Variants in SRD5A1 observed in about 807,000 individuals in gnomAD.
SRD5A1 encodes steroid 5 alpha-reductase 1.
A neutral mutation model predicts 28.2 loss-of-function variants in SRD5A1; 22 were observed. The observed-to-expected ratio is 0.78, with a 90% CI of 0.56 to 1.12. The LOEUF (loss-of-function observed/expected upper bound fraction) is 1.12. Among genes scored for constraint, SRD5A1 ranks in the 50% most tolerant of loss-of-function variants. The probability of loss-of-function intolerance (pLI) is 0.00; values close to 1 mark genes in which losing one functional copy is unlikely to be tolerated. For synonymous variants in SRD5A1, 151 were observed against 135.0 expected (o/e 1.12, Z -0.82); for missense variants, 300 against 346.7 (o/e 0.87, Z 1.07).
At position 6,653,800 on chromosome 5, in the gene SRD5A1, C is replaced by T. The variant is rs538384250; in HGVS notation, c.460+1792C>T. ...GTAGCTCCGCAGATGGTTCGCATCACGTAGAGGTGACTGTGAAGCTGGTCA... is the reference window on the plus strand; with the variant it reads ...GTAGCTCCGCAGATGGTTCGCATCATGTAGAGGTGACTGTGAAGCTGGTCA... On this transcript the variant is annotated intron_variant, in intron 2 of 4. Transcript: ENST00000274192. 1.7e-4 allele frequency among the ~76,000 whole-genome samples: 26 copies of T among 152,200 alleles called. No homozygotes were observed. The South Asian group carries it at 5.2e-3, about 30-fold the overall frequency.
At chr5:6,659,308 T>C (rs1738931954) in intron 3 of SRD5A1, among the ~76,000 whole-genome samples, 1 of 151,898 alleles carries the variant, frequency 6.6e-6, no homozygotes, top group Non-Finnish European at 1.5e-5. Flanking sequence ...AGAGATGGGG[T>C]TTCACCGTGT....
rs906311481 is a variant in SRD5A1, at chr5:6,673,702, C to T, written c.*5434C>T. 7.9e-5 allele frequency: 12 copies of T among 151,920 alleles called. No homozygotes were observed. Among genetic ancestry groups the T allele is most frequent in the South Asian group, 4.2e-4 (2 of 4,816 alleles). 9.4% of individuals were successfully genotyped at this position (151,920 alleles called of 1,614,324 possible). ...ACCAAGATGTCCTTCAATAGGTGGGCGGATAAAGAAATTGTATCCAATTCT... is the reference window on the plus strand; with the variant it reads ...ACCAAGATGTCCTTCAATAGGTGGGTGGATAAAGAAATTGTATCCAATTCT... On this transcript the variant is annotated 3_prime_UTR_variant, in exon 5 of 5. Coordinates refer to ENST00000274192, the MANE Select transcript of SRD5A1 (RefSeq NM_001047.4).
intron 4 of SRD5A1, among the ~76,000 whole-genome samples, chr5:6,667,579 T>A (rs1739223250): frequency 6.6e-6 from 1 of 152,210 alleles, no homozygotes; most frequent in African/African-American, 2.4e-5. Flanking sequence ...TTGCCACCTT[T>A]CCCAACTGGC....
intron 3 of SRD5A1, among the ~76,000 whole-genome samples, chr5:6,656,840 C>T (rs1334315267): frequency 6.6e-6 from 1 of 152,148 alleles, no homozygotes; most frequent in African/African-American, 2.4e-5. Context: ...GTGCCACGTT[C>T]CACAGAGTAA....
At position 6,669,146 on chromosome 5, in the gene SRD5A1, T is replaced by G. The variant is rs1739284446; in HGVS notation, c.*878T>G. The stretch of plus-strand genomic sequence containing the variant: ...CTGTGAAATTTCTCTTTTGTAGATT[T>G]TGAGTTTTCCCTTGTAGTGTAAAGA... On this transcript the variant is annotated 3_prime_UTR_variant, in exon 5 of 5. Coordinates refer to ENST00000274192, the MANE Select transcript of SRD5A1 (RefSeq NM_001047.4). 1 of 152,254 alleles carries G rather than the reference T, an allele frequency of 6.6e-6. No individual in the cohort carries two copies. The highest frequency in any genetic ancestry group is 6.5e-5 in the Admixed American group (1 of 15,286). 9.4% of individuals were successfully genotyped at this position (152,254 alleles called of 1,614,324 possible).
chr5:6,669,372 T>G lies in SRD5A1; in HGVS notation c.*1104T>G, dbSNP rs1021729324. ...TTCCCCTCATAGCCTGTACCTGTTA[T>G]CAATATAAAATAATCTTCCTGTTGA... On this transcript the variant is annotated 3_prime_UTR_variant, in exon 5 of 5. Transcript: ENST00000274192. 7.2e-5 allele frequency: 11 copies of G among 152,230 alleles called. No individual in the cohort carries two copies. The highest frequency in any genetic ancestry group is 2.4e-4 in the African/African-American group (10 of 41,462). 9.4% of individuals were successfully genotyped at this position (152,230 alleles called of 1,614,324 possible).
intron 1 of SRD5A1, among the ~76,000 whole-genome samples, chr5:6,649,906 A>T (rs1738621907): frequency 6.6e-6 from 1 of 152,088 alleles, no homozygotes; most frequent in African/African-American, 2.4e-5. Flanking sequence ...CACCCTTCAC[A>T]ATCTATTAAT....
rs555128341 is a variant in SRD5A1, at chr5:6,636,261, C to T, written c.293+2392C>T. ...GAACCAGAGTGGAAACAGCATTTAGCACTGAACACAAACCATCCCAGCAGC... is the reference window on the plus strand; with the variant it reads ...GAACCAGAGTGGAAACAGCATTTAGTACTGAACACAAACCATCCCAGCAGC... On this transcript the variant is annotated intron_variant, in intron 1 of 4. Coordinates refer to ENST00000274192, the MANE Select transcript of SRD5A1 (RefSeq NM_001047.4). Among the ~76,000 whole-genome samples, 38 of 152,318 alleles carry T rather than the reference C, an allele frequency of 2.5e-4. 1 individual carries two copies. The highest frequency in any genetic ancestry group is 2.2e-3 in the Admixed American group (34 of 15,300).
intron 1 of SRD5A1, among the ~76,000 whole-genome samples, chr5:6,648,435 C>T (rs1203331433): frequency 1.3e-5 from 2 of 152,206 alleles, no homozygotes; most frequent in African/African-American, 4.8e-5. Context: ...TAGATTTGGT[C>T]TTTTCACATA....
Position 6,651,852 on chromosome 5 carries a change from T to A in SRD5A1, c.304T>A (p.Tyr102Asn), listed in dbSNP as rs1303073297. ...LVHYGHRCLI[Y>N]PFLMRGGKPM... The stretch of plus-strand genomic sequence containing the variant: ...TTCTTGTTTCCTAAGGTGCTTAATT[T>A]ACCCATTTCTGATGCGAGGAGGAAA... The change falls in exon 2 of 5, where the codon TAC becomes AAC. Residue 102 changes from tyrosine (Y) to asparagine (N), a missense_variant. By Grantham distance (143) the Tyr-to-Asn change is moderately radical (BLOSUM62 -2). Around this residue, in one of 2 missense-constraint regions of SRD5A1, gnomAD observed 174 missense variants for 160.9 expected, o/e 1.08. Transcript: ENST00000274192. The A allele has an allele frequency of 6.2e-7, 1 of 1,608,872 alleles. No homozygotes were observed. Among genetic ancestry groups the A allele is most frequent in the Admixed American group, 1.7e-5 (1 of 59,752 alleles).
intron 1 of SRD5A1, among the ~76,000 whole-genome samples, chr5:6,635,240 T>TA (rs1738145839): frequency 1.3e-5 from 2 of 152,208 alleles, no homozygotes; most frequent in Admixed American, 1.3e-4. Context: ...ACTTGCACTT[T>TA]AAACAAGGGC....
intron 2 of SRD5A1, among the ~76,000 whole-genome samples, chr5:6,655,490 C>G (rs8192201): frequency 3.5e-4 from 54 of 152,174 alleles, no homozygotes; most frequent in Non-Finnish European, 6.5e-4. Context: ...AAGGACTGAC[C>G]GAGCAATGCT....
chr5:6,653,717 G>A (rs890543005), intron 2 of SRD5A1, among the ~76,000 whole-genome samples: 2 of 152,220 alleles, frequency 1.3e-5, no homozygotes, highest in East Asian at 3.9e-4. Flanking sequence ...GTTTGCCAGA[G>A]AGTCTCATGG....
rs1294690493 is a variant in SRD5A1, at chr5:6,668,213, G to A, written c.725G>A (p.Arg242Gln). 23 of 1,575,864 alleles carry A rather than the reference G, an allele frequency of 1.5e-5. No individual in the cohort carries two copies. The highest frequency in any genetic ancestry group is 2.7e-5 in the African/African-American group (2 of 72,932). ...TTTTTTTTTCTTAGGTGGTACCTCC[G>A]GAAATTTGAAGAGTATCCAAAGTTC... ...RAKEHHEWYL[R>Q]KFEEYPKFRK... is the part of the protein sequence containing the mutation. The change falls in exon 5 of 5, where the codon CGG becomes CAG. Residue 242 changes from arginine (R) to glutamine (Q), a missense_variant. Arg to Gln is a conservative substitution (Grantham distance 43, BLOSUM62 1). Around this residue, in one of 2 missense-constraint regions of SRD5A1, gnomAD observed 126 missense variants for 185.7 expected, o/e 0.68. Transcript: ENST00000274192.
chr5:6,643,408 G>A (rs559256842), intron 1 of SRD5A1, among the ~76,000 whole-genome samples: 2 of 152,226 alleles, frequency 1.3e-5, no homozygotes, highest in East Asian at 3.9e-4. Flanking sequence ...AGGCTCTGAT[G>A]ATCCTCCCAC....
intron 1 of SRD5A1, among the ~76,000 whole-genome samples, chr5:6,647,882 G>A (rs1467376040): frequency 6.6e-6 from 1 of 152,100 alleles, no homozygotes; most frequent in Non-Finnish European, 1.5e-5. Flanking sequence ...TTACAATTTG[G>A]TATATTTTTG....
intron 3 of SRD5A1, among the ~76,000 whole-genome samples, chr5:6,659,597 G>A (rs574783555): frequency 1.5e-4 from 23 of 152,292 alleles, no homozygotes; most frequent in African/African-American, 4.8e-4. Context: ...AGCGTCTGCC[G>A]TTTGCAGGTA....
chr5:6,640,690 T>C (rs1266401989), intron 1 of SRD5A1, among the ~76,000 whole-genome samples: 1 of 152,176 alleles, frequency 6.6e-6, no homozygotes, highest in African/African-American at 2.4e-5. Flanking sequence ...AGAAATAAGA[T>C]AAAATAGGAA....
At chr5:6,655,989 T>C (rs781402503) in intron 2 of SRD5A1, 89 bp from the exon 3 acceptor site, 35 of 901,910 alleles carry the variant, frequency 3.9e-5, no homozygotes, top group Middle Eastern at 5.9e-4. Flanking sequence ...ATCTGAAGGG[T>C]TGCAATAATA....
Sources: allele counts gnomAD v4.1 joint callset (sites outside exome capture counted in the v4.1 genomes callset), GRCh38; gene constraint gnomAD v4.1.1; regional missense constraint gnomAD v4.1.1; transcripts MANE v1.5; gene names NCBI Gene and HGNC (gene_info 2026-07-23, HGNC 2026-07-21).